Variants in HHAT observed in about 807,000 individuals in gnomAD.
HHAT encodes the protein hedgehog acyltransferase, also known as protein-cysteine N-palmitoyltransferase HHAT.
A neutral mutation model predicts 70.8 loss-of-function variants in HHAT; 47 were observed. That is an observed-to-expected ratio of 0.66 (90% confidence interval 0.53 to 0.85). The LOEUF is 0.85. Ranked by LOEUF, HHAT falls within the 40% of genes least tolerant of loss-of-function variation. The pLI, the probability that HHAT is intolerant of heterozygous loss-of-function variation, is 0.00. For synonymous variants in HHAT, 228 were observed against 247.6 expected, an observed-to-expected ratio of 0.92 and a Z score of 0.74; for missense variants, 609 against 604.8, an observed-to-expected ratio of 1.01 and a Z score of -0.07.
intron 1 of HHAT, among the ~76,000 whole-genome samples, chr1:210,331,892 C>A (rs1161621425): frequency 1.3e-5 from 2 of 152,162 alleles, no homozygotes; most frequent in Non-Finnish European, 2.9e-5. Flanking sequence ...GTGGTGACTA[C>A]TTTTCTAGAA....
At chr1:210,400,393 G>A in intron 4 of HHAT, 75 bp from the exon 5 acceptor site, 2 of 1,327,486 alleles carry the variant, frequency 1.5e-6, no homozygotes, top group South Asian at 1.5e-5. Context: ...TCACTTCCAT[G>A]AGCTCACTTC....
At chr1:210,530,144 G>A (rs1329101504) in intron 9 of HHAT, among the ~76,000 whole-genome samples, 1 of 152,204 alleles carries the variant, frequency 6.6e-6, no homozygotes, top group East Asian at 1.9e-4. Flanking sequence ...ATGTAAAATT[G>A]CACACAAAAA....
At position 210,391,487 on chromosome 1, in the gene HHAT, A is replaced by G. The variant is rs953202980; in HGVS notation, c.273+3906A>G. Among the ~76,000 whole-genome samples the G allele has an allele frequency of 2.6e-5, 4 of 152,330 alleles. 1 individual carries two copies. The Middle Eastern group carries it at 0.014, about 522-fold the overall frequency. ...GACACAATAGAAAAGTGGAAAGGCA[A>G]GTCACTAGTGGAGAAGTAATTTGCA... On this transcript the variant is annotated intron_variant, in intron 4 of 11. Transcript: ENST00000261458.
At chr1:210,442,773 T>G in intron 7 of HHAT, among the ~76,000 whole-genome samples, 1 of 152,152 alleles carries the variant, frequency 6.6e-6, no homozygotes. Flanking sequence ...ATGAGTAGGT[T>G]GCGAAAATTT....
At chr1:210,658,596 A>G (rs1676964322) in intron 11 of HHAT, among the ~76,000 whole-genome samples, 1 of 152,226 alleles carries the variant, frequency 6.6e-6, no homozygotes, top group Non-Finnish European at 1.5e-5. Flanking sequence ...CCTAATAGAC[A>G]TCTACAGAAC....
In HHAT at chr1:210,329,090, C is replaced by G. The variant is rs749576925; in HGVS notation, c.-58C>G. On this transcript the variant is annotated 5_prime_UTR_variant, in exon 1 of 12. Transcript: ENST00000261458. ...CGTGAACGTTGCCGTCGCCGCCGCC[C>G]GGGACAGCCCGGAGGTTGGTAACTG... 7.8e-6 allele frequency: 11 copies of G among 1,408,770 alleles called. No individual in the cohort carries two copies. The highest frequency in any genetic ancestry group is 1.0e-5 in the Non-Finnish European group (11 of 1,080,110). 87.3% of individuals were successfully genotyped at this position (1,408,770 alleles called of 1,614,324 possible). A position where few individuals can be genotyped will look rare whatever the true frequency, so the allele number is the denominator to read the frequency against.
chr1:210,464,693 C>G (rs368735360), intron 8 of HHAT, 38 bp downstream of exon 8: 421 of 1,611,612 alleles, frequency 2.6e-4, no homozygotes, highest in Non-Finnish European at 3.5e-4. Context: ...TCAGGCATGT[C>G]CAGTGGGAGG....
chr1:210,663,079 T>C (rs1413897788), intron 11 of HHAT, among the ~76,000 whole-genome samples: 3 of 152,076 alleles, frequency 2.0e-5, no homozygotes, highest in African/African-American at 7.2e-5. Context: ...TTAACAGTTT[T>C]AATAAAGGGT....
At chr1:210,568,843 G>C (rs1043947673) in intron 9 of HHAT, among the ~76,000 whole-genome samples, 1 of 152,276 alleles carries the variant, frequency 6.6e-6, no homozygotes, top group South Asian at 2.1e-4. Flanking sequence ...TCCAGACCCT[G>C]TTCTCCTGCC....
At chr1:210,568,400 TAATC>T (rs1655289761) in intron 9 of HHAT, among the ~76,000 whole-genome samples, 1 of 152,246 alleles carries the variant, frequency 6.6e-6, no homozygotes, top group Non-Finnish European at 1.5e-5. Context: ...TCTAGCAAAT[TAATC>T]AAACCCAAGG....
chr1:210,424,506 G>GT (rs71146223), intron 7 of HHAT, among the ~76,000 whole-genome samples: 305 of 135,470 alleles, frequency 2.3e-3, no homozygotes, highest in African/African-American at 4.2e-3. Flanking sequence ...TGTGCCATGG[G>GT]TTTTTTTTTT....
chr1:210,385,665 G>T (rs990130909), intron 3 of HHAT, among the ~76,000 whole-genome samples: 1 of 152,174 alleles, frequency 6.6e-6, no homozygotes, highest in South Asian at 2.1e-4. Flanking sequence ...GCGCAGTATT[G>T]TATTTCCTTA....
intron 8 of HHAT, among the ~76,000 whole-genome samples, chr1:210,489,401 C>T (rs2094518356): frequency 6.6e-6 from 1 of 152,146 alleles, no homozygotes; most frequent in South Asian, 2.1e-4. Context: ...AGCTTAATGC[C>T]ATAATTGCCT....
At chr1:210,399,967 A>G (rs754194804) in intron 4 of HHAT, among the ~76,000 whole-genome samples, 4 of 152,252 alleles carry the variant, frequency 2.6e-5, no homozygotes, top group Non-Finnish European at 5.9e-5. Flanking sequence ...CTACATATTT[A>G]AAATCTCTGG....
chr1:210,606,268 T>G (rs962490135), intron 10 of HHAT, among the ~76,000 whole-genome samples: 9 of 152,238 alleles, frequency 5.9e-5, no homozygotes, highest in African/African-American at 1.9e-4. Flanking sequence ...CATTTTTTTT[T>G]GTTAATTCAG....
chr1:210,552,128 C>T (rs1229043668), intron 9 of HHAT, among the ~76,000 whole-genome samples: 1 of 152,108 alleles, frequency 6.6e-6, no homozygotes, highest in Non-Finnish European at 1.5e-5. Context: ...ACAGCTCTAA[C>T]ATTTTGTGTC....
intron 7 of HHAT, among the ~76,000 whole-genome samples, chr1:210,453,409 G>T (rs918151844): frequency 6.6e-6 from 1 of 152,132 alleles, no homozygotes; most frequent in Non-Finnish European, 1.5e-5. Context: ...ATAATTTCAT[G>T]GTGCATGCTT....
intron 4 of HHAT, among the ~76,000 whole-genome samples, chr1:210,394,208 A>G (rs1025869903): frequency 5.8e-5 from 5 of 85,982 alleles, no homozygotes; most frequent in Non-Finnish European, 1.4e-4. Flanking sequence ...GGTTATTTTT[A>G]TTTTCAAAAG....
intron 3 of HHAT, among the ~76,000 whole-genome samples, chr1:210,386,493 C>T (rs566216361): frequency 8.6e-5 from 13 of 151,916 alleles, no homozygotes; most frequent in African/African-American, 3.1e-4. Flanking sequence ...CCGCCTCGGC[C>T]TCCCAAAGTG....
Sources: gnomAD v4.1 joint callset for allele counts (sites outside exome capture counted in the v4.1 genomes callset) on GRCh38, gnomAD v4.1.1 for gene constraint, MANE v1.5 for transcripts, NCBI Gene and HGNC (gene_info 2026-07-23, HGNC 2026-07-21) for gene names.